PNISR: variants seen among roughly 807,000 people sequenced by gnomAD.
PNISR encodes PNN interacting serine and arginine rich protein, also known as arginine/serine-rich protein PNISR.
In PNISR, 20 loss-of-function variants were observed where a neutral mutation model predicts 93.4. The observed-to-expected ratio is 0.21, with a 90% CI of 0.15 to 0.31. PNISR has a LOEUF of 0.31. Ranked by LOEUF, PNISR falls within the 10% of genes least tolerant of loss-of-function variation. PNISR has a pLI of 1.00. For missense variants in PNISR, 893 were observed against 985.4 expected (o/e 0.91, Z 1.25); for synonymous variants, 305 against 306.5 (o/e 0.99, Z 0.05).
chr6:99,404,619 G>A lies in PNISR; in HGVS notation c.1086C>T (p.His362=). The change falls in exon 9 of 12, where the codon CAC becomes CAT. Residue 362 remains histidine (H), a synonymous_variant. Coordinates refer to ENST00000369239, the MANE Select transcript of PNISR (RefSeq NM_032870.4). ...EEIYYVAKDA[H]RKATKAPAKQ... ...AAAATATACCTTTCGTTGCTTTGCGGTGTGCATCTTTGGCTACGTAATAAA... is the reference window on the plus strand; with the variant it reads ...AAAATATACCTTTCGTTGCTTTGCGATGTGCATCTTTGGCTACGTAATAAA... 6.3e-7 allele frequency: 1 copy of A among 1,586,452 alleles called. No individual in the cohort carries two copies. The highest frequency in any genetic ancestry group is 2.2e-5 in the East Asian group (1 of 44,698).
chr6:99,417,989 A>T (rs1255289524), intron 1 of PNISR, among the ~76,000 whole-genome samples: 2 of 140,782 alleles, frequency 1.4e-5, no homozygotes, highest in African/African-American at 2.6e-5. Context: ...AAAAAAAAAA[A>T]GTGATCAAGC....
At chr6:99,413,640 T>C (rs1777280990) in intron 3 of PNISR, among the ~76,000 whole-genome samples, 1 of 152,210 alleles carries the variant, frequency 6.6e-6, no homozygotes, top group African/African-American at 2.4e-5. Flanking sequence ...TTCCCAAGCA[T>C]CTACATTTAA....
Position 99,398,635 on chromosome 6 carries a change from TG to T in PNISR, c.*1904del, listed in dbSNP as rs1460418517. The T allele has an allele frequency of 6.6e-6, 1 of 152,140 alleles. No individual in the cohort carries two copies. Among genetic ancestry groups the T allele is most frequent in the Non-Finnish European group, 1.5e-5 (1 of 67,954 alleles). The allele number at this position is 152,140 out of a possible 1,614,324, so 9.4% of individuals were successfully genotyped here. The stretch of plus-strand genomic sequence containing the variant: ...CTCTAGTTCATAACTTGCCCAAAAA[TG>T]TGCATATCATAGCCAACAGAATTTT... On this transcript the variant is annotated 3_prime_UTR_variant, in exon 12 of 12. Transcript: ENST00000369239.
chr6:99,412,989 A>G (rs1254793808), intron 3 of PNISR, among the ~76,000 whole-genome samples: 4 of 152,198 alleles, frequency 2.6e-5, no homozygotes, highest in African/African-American at 4.8e-5. Flanking sequence ...CACTTTCAGG[A>G]AAGAACTCCA....
rs1344577463 is a variant in PNISR, at chr6:99,398,073, T to C, written c.*2467A>G. ...ACGAGATTCCACACCAATTTTTATT[T>C]ATATTTTGGGGCCTGAAACAAATCT... On this transcript the variant is annotated 3_prime_UTR_variant, in exon 12 of 12. Transcript: ENST00000369239. The C allele has an allele frequency of 6.6e-6, 1 of 152,220 alleles. No homozygotes were observed. The highest frequency in any genetic ancestry group is 1.5e-5 in the Non-Finnish European group (1 of 68,024). 9.4% of individuals were successfully genotyped at this position (152,220 alleles called of 1,614,324 possible). A position where few individuals can be genotyped will look rare whatever the true frequency, so the allele number is the denominator to read the frequency against.
intron 2 of PNISR, chr6:99,415,802 A>G (rs1777610487): frequency 6.6e-6 from 1 of 152,212 alleles, no homozygotes; most frequent in African/African-American, 2.4e-5. Flanking sequence ...AAAGTAGGCA[A>G]GTTGGATAAC....
Position 99,410,946 on chromosome 6 carries a change from T to C in PNISR, c.296A>G (p.Gln99Arg). 1 of 1,613,376 alleles carries C rather than the reference T, an allele frequency of 6.2e-7. No individual in the cohort carries two copies. Among genetic ancestry groups the C allele is most frequent in the Non-Finnish European group, 8.5e-7 (1 of 1,179,384 alleles). The change falls in exon 5 of 12, where the codon CAA becomes CGA. Residue 99 changes from glutamine to arginine, a missense_variant. Physicochemically the swap from Gln to Arg is conservative, Grantham distance 43 (BLOSUM62 1). Transcript: ENST00000369239. ...CTGATCTGGAGGGGGGTGTGGGGGT[T>C]GCTGATGCATTCCCCATTCTATTTA... Reference protein sequence around the residue: ...MWQPEWGMHQQPPHPPPDQPW... With the variant: ...MWQPEWGMHQRPPHPPPDQPW...
chr6:99,411,170 C>CT (rs1776865327), intron 4 of PNISR, among the ~76,000 whole-genome samples: 3 of 152,204 alleles, frequency 2.0e-5, no homozygotes, highest in Admixed American at 2.0e-4. Context: ...TAACTCCACT[C>CT]TAATTCATAT....
intron 4 of PNISR, 173 bp from the exon 5 acceptor site, chr6:99,411,137 G>A: frequency 1.8e-6 from 1 of 567,696 alleles, no homozygotes; most frequent in South Asian, 2.6e-5. Flanking sequence ...GAACTAAACT[G>A]TCATATATAA....
intron 9 of PNISR, chr6:99,404,301 CAAT>C (rs2128480584): frequency 2.4e-6 from 1 of 415,752 alleles, no homozygotes; most frequent in African/African-American, 2.0e-5. Flanking sequence ...AGTCACACAA[CAAT>C]GCCATGTTAT....
chr6:99,424,987 G>A (rs1026697819), intron 1 of PNISR: 1 of 366,048 alleles, frequency 2.7e-6, no homozygotes. Context: ...TCTGTGAGAA[G>A]ATGGGACCGT....
chr6:99,418,588 C>A (rs1239814397), intron 1 of PNISR, among the ~76,000 whole-genome samples: 1 of 151,848 alleles, frequency 6.6e-6, no homozygotes, highest in Non-Finnish European at 1.5e-5. Flanking sequence ...AGAAGCTTTT[C>A]TTCCCCAAAG....
chr6:99,422,866 C>A (rs895331100), intron 1 of PNISR, among the ~76,000 whole-genome samples: 14 of 90,260 alleles, frequency 1.6e-4, no homozygotes, highest in Middle Eastern at 9.3e-3. Flanking sequence ...AACAGAGTGA[C>A]ACTCTGTCTC....
chr6:99,422,794 A>G (rs913165854), intron 1 of PNISR, among the ~76,000 whole-genome samples: 8 of 148,624 alleles, frequency 5.4e-5, no homozygotes, highest in Non-Finnish European at 5.9e-5. Flanking sequence ...GAATCACTTG[A>G]ACCCGGGAGG....
chr6:99,398,700 T>C lies in PNISR; in HGVS notation c.*1840A>G, dbSNP rs976374920. On this transcript the variant is annotated 3_prime_UTR_variant, in exon 12 of 12. Transcript: ENST00000369239. ...ATTTTGAAAATATTTCACTTCAAGA[T>C]TGATCTAAAAAACATTTTAAGATAT... 2 of 152,130 alleles carry C rather than the reference T, an allele frequency of 1.3e-5. No individual in the cohort carries two copies. Among genetic ancestry groups the C allele is most frequent in the African/African-American group, 2.4e-5 (1 of 41,454 alleles). The allele number at this position is 152,130 out of a possible 1,614,324, so 9.4% of individuals were successfully genotyped here.
rs1049819489 is a variant in PNISR, at chr6:99,398,527, C to T, written c.*2013G>A. On this transcript the variant is annotated 3_prime_UTR_variant, in exon 12 of 12. Transcript: ENST00000369239. ...GTACTAATAATCACAAATATCATGA[C>T]GGCTTTTAAAAAAACTACAGACTTA... The T allele has an allele frequency of 5.3e-5, 8 of 151,982 alleles. No homozygotes were observed. The highest frequency in any genetic ancestry group is 1.4e-4 in the African/African-American group (6 of 41,390). The allele number at this position is 151,982 out of a possible 1,614,324, so 9.4% of individuals were successfully genotyped here.
rs760016092 is a variant in PNISR, at chr6:99,402,609, G to A, written c.1258C>T (p.Arg420Trp). 2.0e-5 allele frequency: 33 copies of A among 1,613,156 alleles called. No individual in the cohort carries two copies. Among genetic ancestry groups the A allele is most frequent in the Non-Finnish European group, 2.5e-5 (29 of 1,179,526 alleles). ...TDDEELRHRI[R>W]QKQEAFWRKE... ...CTCCAAAAAGCTTCCTGTTTTTGCC[G>A]GATTCGATGCCGTAATTCTTCATCA... The change falls in exon 11 of 12, where the codon CGG becomes TGG. Residue 420 changes from arginine (R) to tryptophan (W), a missense_variant. Arg to Trp is a moderately radical substitution (Grantham distance 101). Coordinates refer to ENST00000369239, the MANE Select transcript of PNISR (RefSeq NM_032870.4).
At chr6:99,409,095 T>C in intron 6 of PNISR, 78 bp downstream of exon 6, 1 of 1,186,338 alleles carries the variant, frequency 8.4e-7, no homozygotes, top group Non-Finnish European at 1.2e-6. Context: ...CAAACAATTT[T>C]AAGAAAACAA....
At chr6:99,417,968 CAAAA>C (rs34504221) in intron 1 of PNISR, among the ~76,000 whole-genome samples, 3 of 92,210 alleles carry the variant, frequency 3.3e-5, no homozygotes, top group Admixed American at 1.2e-4. Context: ...AACACCATCT[CAAAA>C]AAAAAAAAAA....
Sources: allele counts gnomAD v4.1 joint callset (sites outside exome capture counted in the v4.1 genomes callset), GRCh38; gene constraint gnomAD v4.1.1; transcripts MANE v1.5; gene names NCBI Gene and HGNC (gene_info 2026-07-23, HGNC 2026-07-21).